The following KIF18A variants were observed in gnomAD, a reference collection of about 807,000 sequenced individuals.
KIF18A encodes kinesin family member 18A, also known as kinesin-like protein KIF18A.
In KIF18A, 67 loss-of-function variants were observed where a neutral mutation model predicts 103.3. The observed-to-expected ratio is 0.65, with a 90% CI of 0.53 to 0.79. The LOEUF is 0.79. KIF18A is among the 30% of genes least tolerant of loss of function. KIF18A has a pLI of 0.00. For synonymous variants in KIF18A, 367 were observed against 355.5 expected (o/e 1.03, Z -0.36); for missense variants, 1,032 against 1,062.5 (o/e 0.97, Z 0.40).
chr11:28,050,662 C>G (rs1242787248), intron 13 of KIF18A, among the ~76,000 whole-genome samples: 1 of 151,610 alleles, frequency 6.6e-6, no homozygotes, highest in East Asian at 1.9e-4. Flanking sequence ...TGTGAGTTTC[C>G]AGATGGATAA....
intron 2 of KIF18A, among the ~76,000 whole-genome samples, chr11:28,096,875 TCTCTCTC>T (rs1590712121): frequency 1.3e-5 from 2 of 150,654 alleles, no homozygotes; most frequent in Admixed American, 6.6e-5. Context: ...TCTCTCTCTC[TCTCTCTC>T]TTTTTTTTTT....
chr11:28,097,677 C>T lies in KIF18A; in HGVS notation c.271G>A (p.Glu91Lys), dbSNP rs1851392096. 4.3e-6 allele frequency: 7 copies of T among 1,611,482 alleles called. No homozygotes were observed. The highest frequency in any genetic ancestry group is 5.9e-6 in the Non-Finnish European group (7 of 1,178,266). Residue 91 changes from glutamate to lysine, a missense_variant, in exon 2 of 17, where the codon GAA becomes AAA. Transcript: ENST00000263181. The stretch of plus-strand genomic sequence containing the variant: ...CGAAGAATTGGCTTAGTAGTGTGTT[C>T]AAAAACTTCTGACTGAGTTGACGTT... ...DETSTQSEVF[E>K]HTTKPILRSF... is the part of the protein sequence containing the mutation.
intron 4 of KIF18A, 37 bp downstream of exon 4, chr11:28,091,372 G>T: frequency 9.1e-7 from 1 of 1,102,636 alleles, no homozygotes; most frequent in Non-Finnish European, 1.4e-6. Context: ...AGTCACATTT[G>T]CTATTCTAAC....
At chr11:28,032,042 C>G (rs573729970) in intron 15 of KIF18A, among the ~76,000 whole-genome samples, 2 of 151,106 alleles carry the variant, frequency 1.3e-5, no homozygotes, top group South Asian at 4.2e-4. Context: ...CAGTAGAGTT[C>G]CAGAATACAA....
At chr11:28,084,850 T>C in intron 6 of KIF18A, 42 bp from the exon 7 acceptor site, 1 of 1,512,178 alleles carries the variant, frequency 6.6e-7, no homozygotes, top group Non-Finnish European at 9.1e-7. Context: ...TTTCCACATT[T>C]AAATGCAAAC....
At chr11:28,106,153 G>T (rs1336242154) in intron 1 of KIF18A, among the ~76,000 whole-genome samples, 3 of 152,120 alleles carry the variant, frequency 2.0e-5, no homozygotes, top group Admixed American at 6.5e-5. Flanking sequence ...GCATTCACCT[G>T]CTCTAAAGTC....
intron 15 of KIF18A, among the ~76,000 whole-genome samples, chr11:28,031,275 C>A (rs10835264): frequency 0.53 from 80,168 of 151,896 alleles, 22,469 homozygotes; most frequent in East Asian, 0.72. Context: ...AAGACTTGTA[C>A]CCAATCCAAA....
At chr11:28,089,103 A>G (rs970411751) in intron 5 of KIF18A, among the ~76,000 whole-genome samples, 1 of 152,196 alleles carries the variant, frequency 6.6e-6, no homozygotes, top group African/African-American at 2.4e-5. Context: ...CCTTGTATGT[A>G]TCTAGAGATT....
chr11:28,065,659 C>A (rs1050182102), intron 11 of KIF18A, among the ~76,000 whole-genome samples: 3 of 151,930 alleles, frequency 2.0e-5, no homozygotes, highest in Non-Finnish European at 2.9e-5. Context: ...AATACCATAC[C>A]ATTTTTAAAA....
chr11:28,060,179 C>T (rs1270469465), intron 12 of KIF18A, among the ~76,000 whole-genome samples: 4 of 152,132 alleles, frequency 2.6e-5, no homozygotes, highest in African/African-American at 9.7e-5. Context: ...TAAATTTATA[C>T]ACTCAATCAG....
At chr11:28,083,118 C>G in intron 8 of KIF18A, 51 bp downstream of exon 8, 1 of 1,554,674 alleles carries the variant, frequency 6.4e-7, no homozygotes, top group Non-Finnish European at 8.6e-7. Flanking sequence ...TTATAAAATT[C>G]TATAAATGAA....
chr11:28,050,142 A>G (rs1850693595), intron 13 of KIF18A, among the ~76,000 whole-genome samples: 1 of 151,844 alleles, frequency 6.6e-6, no homozygotes, highest in Admixed American at 6.6e-5. Flanking sequence ...GGGAAATAGC[A>G]GATATCATGT....
rs1851202113 is a variant in KIF18A at position 28,084,473 on chromosome 11, AAATT to A, written c.1074+155_1074+158del. 3.8e-5 allele frequency: 14 copies of A among 371,490 alleles called. No individual in the cohort carries two copies. In the South Asian group the frequency reaches 6.7e-4, roughly 18 times the overall value. The allele number at this position is 371,490 out of a possible 1,614,324, so 23.0% of individuals were successfully genotyped here. On this transcript the variant is annotated intron_variant, in intron 7 of 16. Coordinates refer to ENST00000263181, the MANE Select transcript of KIF18A (RefSeq NM_031217.4). ...AAGATGCTTTATGGTTTAACCGTCT[AAATT>A]AATGTTCGACTAAGCAGGTTAGCAA... is the stretch of plus-strand genomic sequence containing the variant.
intron 9 of KIF18A, among the ~76,000 whole-genome samples, chr11:28,078,256 C>T (rs1370349267): frequency 2.0e-5 from 3 of 152,086 alleles, no homozygotes. Flanking sequence ...GACTTTACTG[C>T]AGTTTTGTCA....
intron 15 of KIF18A, among the ~76,000 whole-genome samples, chr11:28,033,170 C>T (rs1850433277): frequency 6.6e-6 from 1 of 151,602 alleles, no homozygotes; most frequent in Admixed American, 6.6e-5. Flanking sequence ...TCATCTCACC[C>T]CAGTTAAAAT....
At chr11:28,087,740 C>A (rs1422478713) in intron 6 of KIF18A, among the ~76,000 whole-genome samples, 1 of 152,176 alleles carries the variant, frequency 6.6e-6, no homozygotes, top group Admixed American at 6.5e-5. Flanking sequence ...CACATCCTCT[C>A]CAGCATCTGT....
In KIF18A at chr11:28,084,822, A is replaced by G. The variant is rs765476472; in HGVS notation, c.898-14T>C. 16 of 1,600,866 alleles carry G rather than the reference A, an allele frequency of 1.0e-5. 1 individual carries two copies. In the South Asian group the frequency reaches 1.8e-4, roughly 18 times the overall value. On this transcript the variant is annotated splice_polypyrimidine_tract_variant and intron_variant, in intron 6 of 16. Transcript: ENST00000263181. ...CTGATTCTTTCTCTGAAAGCACAAA[A>G]AAGAGATCTTATGTCATTTTCCACA...
intron 2 of KIF18A, 149 bp from the exon 3 acceptor site, chr11:28,094,949 G>T: frequency 1.4e-6 from 1 of 722,086 alleles, no homozygotes; most frequent in South Asian, 1.8e-5. Flanking sequence ...TTAAAACCTG[G>T]GAATGTTACC....
chr11:28,056,077 T>C (rs1017607741), intron 13 of KIF18A, among the ~76,000 whole-genome samples: 38 of 151,830 alleles, frequency 2.5e-4, no homozygotes, highest in African/African-American at 8.5e-4. Flanking sequence ...TATATATATA[T>C]ACTATGTAAA....
Sources: gnomAD v4.1 joint callset for allele counts (sites outside exome capture counted in the v4.1 genomes callset) on GRCh38, gnomAD v4.1.1 for gene constraint, MANE v1.5 for transcripts, NCBI Gene and HGNC (gene_info 2026-07-23, HGNC 2026-07-21) for gene names.